Variants in PARVB observed in about 807,000 individuals in gnomAD.
The protein encoded by PARVB is beta-parvin.
In PARVB, 46 loss-of-function variants were observed where a neutral mutation model predicts 47.0. The ratio of observed to expected loss-of-function variants is 0.98; its 90% CI spans 0.77 to 1.25. The LOEUF (loss-of-function observed/expected upper bound fraction) is 1.25. PARVB is among the 50% of genes most tolerant of loss of function. The pLI, the probability that PARVB is intolerant of heterozygous loss-of-function variation, is 0.00. For synonymous variants in PARVB, 196 were observed against 196.3 expected (o/e 1.00, Z 0.01); for missense variants, 473 against 471.6 (o/e 1.00, Z -0.03).
chr22:44,021,832 C>T (rs933648364), upstream of PARVB, among the ~76,000 whole-genome samples: 12 of 149,418 alleles, frequency 8.0e-5, no homozygotes, highest in Admixed American at 2.0e-4. Context: ...CTAGTAGAGA[C>T]GGAGGCAGAG....
At position 44,032,651 on chromosome 22, in the gene PARVB, C is replaced by T. The variant is rs574620821; in HGVS notation, c.112+8200C>T. Among the ~76,000 whole-genome samples, 131 of 152,186 alleles carry T rather than the reference C, an allele frequency of 8.6e-4. 2 individuals carry two copies. The highest frequency in any genetic ancestry group is 3.5e-3 in the East Asian group (18 of 5,162). The stretch of plus-strand genomic sequence containing the variant: ...AAAGCCTCATCAGCAATTGAGTGAG[C>T]GCTCAATCAGAATTCGTTATGGATG... On this transcript the variant is annotated intron_variant, in intron 1 of 12. Coordinates refer to ENST00000338758, the MANE Select transcript of PARVB (RefSeq NM_013327.5).
intron 4 of PARVB, among the ~76,000 whole-genome samples, chr22:44,123,831 A>T (rs906384319): frequency 2.0e-5 from 3 of 152,226 alleles, no homozygotes; most frequent in Non-Finnish European, 2.9e-5. Context: ...GCGCCTGGCC[A>T]TAGTAGCTCC....
At chr22:44,095,697 T>C (rs16991456) in intron 2 of PARVB, among the ~76,000 whole-genome samples, 15,780 of 152,252 alleles carry the variant, frequency 0.1, 856 homozygotes, top group Middle Eastern at 0.18. Flanking sequence ...TTTTGGGATC[T>C]AGCTGATCTG....
At position 44,168,745 on chromosome 22, in the gene PARVB, C is replaced by A; in HGVS notation, c.*67C>A. On this transcript the variant is annotated 3_prime_UTR_variant, in exon 13 of 13. Coordinates refer to ENST00000338758, the MANE Select transcript of PARVB (RefSeq NM_013327.5). ...AGGCGGCATCCGTCTGTGCCCTGTG[C>A]CTTTCCAGGGAGCCAGGCGCCATGG... The A allele has an allele frequency of 1.8e-6, 2 of 1,140,812 alleles. No homozygotes were observed. The highest frequency in any genetic ancestry group is 2.7e-6 in the Non-Finnish European group (2 of 751,752). The allele number at this position is 1,140,812 out of a possible 1,614,324, so 70.7% of individuals were successfully genotyped here.
chr22:44,023,207 C>T (rs2050671529), upstream of PARVB, among the ~76,000 whole-genome samples: 1 of 152,136 alleles, frequency 6.6e-6, no homozygotes, highest in Non-Finnish European at 1.5e-5. Flanking sequence ...CATCACAGCT[C>T]AAAGCCCTGC....
chr22:44,014,711 G>A (rs1229597773), intron 2 of PARVB, among the ~76,000 whole-genome samples: 1 of 152,144 alleles, frequency 6.6e-6, no homozygotes, highest in Non-Finnish European at 1.5e-5. Flanking sequence ...CCAGGAAGGA[G>A]GAAAGTTTTT....
intron 1 of PARVB, among the ~76,000 whole-genome samples, chr22:44,070,863 A>C (rs1231239637): frequency 6.6e-6 from 1 of 152,142 alleles, no homozygotes; most frequent in Admixed American, 6.5e-5. Context: ...CCAAGGTACC[A>C]GATTCTCTTC....
intron 2 of PARVB, among the ~76,000 whole-genome samples, chr22:44,012,670 C>A (rs922106545): frequency 6.6e-6 from 1 of 152,134 alleles, no homozygotes; most frequent in Non-Finnish European, 1.5e-5. Flanking sequence ...ATTTCCATCA[C>A]TTCTCTACAC....
chr22:44,006,064 T>G (rs960384409), intron 2 of PARVB, among the ~76,000 whole-genome samples: 2 of 152,202 alleles, frequency 1.3e-5, no homozygotes, highest in Non-Finnish European at 2.9e-5. Flanking sequence ...CACCTCAGTC[T>G]CTGGAATAGC....
intron 2 of PARVB, among the ~76,000 whole-genome samples, chr22:44,008,186 C>T (rs113694055): frequency 0.042 from 6,389 of 152,090 alleles, 500 homozygotes; most frequent in African/African-American, 0.15. Context: ...CTGCAACCTC[C>T]GCCTCCCAGG....
intron 10 of PARVB, chr22:44,151,978 G>A (rs991148568): frequency 4.9e-5 from 9 of 183,176 alleles, no homozygotes; most frequent in African/African-American, 1.6e-4. Flanking sequence ...TGTCGTCCTT[G>A]TGTGTGTGTC....
chr22:44,148,769 A>G (rs2053741161), intron 9 of PARVB: 1 of 152,172 alleles, frequency 6.6e-6, no homozygotes, highest in African/African-American at 2.4e-5. Context: ...TTATCTATCA[A>G]TTTTGGGGTA....
intron 1 of PARVB, chr22:44,039,911 C>CTGG (rs918952128): frequency 5.3e-5 from 24 of 452,722 alleles, no homozygotes; most frequent in African/African-American, 4.8e-4. Context: ...AACTCCTGGC[C>CTGG]TCCAGTGATC....
At chr22:44,035,150 G>T (rs1382546582) in intron 1 of PARVB, among the ~76,000 whole-genome samples, 3 of 152,148 alleles carry the variant, frequency 2.0e-5, no homozygotes, top group Non-Finnish European at 2.9e-5. Context: ...TACAAAGTGA[G>T]CCTGAGGAAA....
In PARVB at chr22:44,103,727, A is replaced by G. The variant is rs1461488123; in HGVS notation, c.273+3604A>G. On this transcript the variant is annotated intron_variant, in intron 3 of 12. Coordinates refer to ENST00000338758, the MANE Select transcript of PARVB (RefSeq NM_013327.5). The surrounding 1 kb of genome is among the most constrained non-coding windows in gnomAD (Gnocchi z 4.6). ...TGGGGAGCTTTGACTGCCCATGAAC[A>G]TGGCAGCTTGACCCTGGAGGCAAGG... The G allele has an allele frequency of 6.6e-6, 1 of 152,294 alleles. No homozygotes were observed. Among genetic ancestry groups the G allele is most frequent in the Non-Finnish European group, 1.5e-5 (1 of 68,076 alleles). The allele number at this position is 152,294 out of a possible 1,614,324, so 9.4% of individuals were successfully genotyped here.
intron 1 of PARVB, among the ~76,000 whole-genome samples, chr22:44,037,739 G>A (rs945945033): frequency 3.3e-5 from 5 of 152,194 alleles, no homozygotes; most frequent in Admixed American, 3.3e-4. Context: ...TTCCCAGCTG[G>A]CTCCTAGTAA....
chr22:44,100,132 C>T lies in PARVB; in HGVS notation c.273+9C>T. ...TCAAGGAACTGGTCAAGGTAAGGAG[C>T]TCCGTCTTGGTTGGAATCTTCCTCT... On this transcript the variant is annotated intron_variant, in intron 3 of 12. Transcript: ENST00000338758. 2.5e-6 allele frequency: 4 copies of T among 1,609,918 alleles called. No homozygotes were observed. The highest frequency in any genetic ancestry group is 3.4e-6 in the Non-Finnish European group (4 of 1,176,132).
At chr22:44,085,517 T>G (rs995729949) in intron 1 of PARVB, among the ~76,000 whole-genome samples, 6 of 152,120 alleles carry the variant, frequency 3.9e-5, no homozygotes, top group Non-Finnish European at 8.8e-5. Flanking sequence ...GTTGCCCCGC[T>G]GGTCTCGAAC....
intron 1 of PARVB, among the ~76,000 whole-genome samples, chr22:44,058,701 C>T (rs1257891552): frequency 1.3e-5 from 2 of 151,500 alleles, no homozygotes; most frequent in East Asian, 2.0e-4. Flanking sequence ...ATTACAGGCA[C>T]CTGCCACCAC....
Sources: gnomAD v4.1 joint callset for allele counts (sites outside exome capture counted in the v4.1 genomes callset) on GRCh38, gnomAD v4.1.1 for gene constraint, Gnocchi (gnomAD v3.1) non-coding constraint, MANE v1.5 for transcripts, NCBI Gene and HGNC (gene_info 2026-07-23, HGNC 2026-07-21) for gene names.